PCDHGA5: variants seen among roughly 807,000 people sequenced by gnomAD.
PCDHGA5 encodes protocadherin gamma subfamily A, 5.
Under a neutral mutation model 56.7 loss-of-function variants are expected in PCDHGA5, and 36 were observed. That is an observed-to-expected ratio of 0.64 (90% confidence interval 0.49 to 0.84). The LOEUF is 0.84. Among genes scored for constraint, PCDHGA5 ranks in the 40% least tolerant of loss-of-function variants. PCDHGA5 has a pLI of 0.00. For missense variants in PCDHGA5, 1,305 were observed against 1,201.5 expected (o/e 1.09, Z -1.27); for synonymous variants, 563 against 520.2 (o/e 1.08, Z -1.12).
At chr5:141,388,133 G>T (rs2091251188) in intron 1 of PCDHGA5, 3 of 1,450,776 alleles carry the variant, frequency 2.1e-6, no homozygotes. Flanking sequence ...AGAGCGGGGA[G>T]TTGCTTGTGA....
intron 1 of PCDHGA5, chr5:141,371,141 C>A: frequency 2.2e-5 from 35 of 1,613,982 alleles, no homozygotes; most frequent in Non-Finnish European, 2.8e-5. Context: ...TGTACAGGGT[C>A]AATGTTGCAG....
At chr5:141,427,897 C>T (rs866283444) in intron 1 of PCDHGA5, 1 of 1,571,008 alleles carries the variant, frequency 6.4e-7, no homozygotes. Context: ...CAGGGCTCGC[C>T]CGCGCTCAGC....
At chr5:141,471,302 C>T (rs111827070) in intron 1 of PCDHGA5, 9,302 of 152,168 alleles carry the variant, frequency 0.061, 339 homozygotes, top group South Asian at 0.12. Flanking sequence ...CCACCCAACT[C>T]GGCCTCCCAA....
At chr5:141,425,392 A>G (rs2096872216) in intron 1 of PCDHGA5, among the ~76,000 whole-genome samples, 1 of 152,232 alleles carries the variant, frequency 6.6e-6, no homozygotes, top group African/African-American at 2.4e-5. Flanking sequence ...GGTAGTGATA[A>G]AGTTCTGTTA....
chr5:141,413,417 T>A (rs777399697), intron 1 of PCDHGA5: 1 of 1,614,086 alleles, frequency 6.2e-7, no homozygotes, highest in Non-Finnish European at 8.5e-7. Context: ...CTTTTCTCTC[T>A]GAACCCGCGC....
intron 1 of PCDHGA5, chr5:141,374,366 C>T: frequency 6.2e-7 from 1 of 1,614,052 alleles, no homozygotes; most frequent in Non-Finnish European, 8.5e-7. Flanking sequence ...CCGCGAGGAG[C>T]TCTGTGCTCA....
chr5:141,449,588 CAAA>C (rs768743917), intron 1 of PCDHGA5, among the ~76,000 whole-genome samples: 1 of 57,486 alleles, frequency 1.7e-5, no homozygotes, highest in Non-Finnish European at 3.7e-5. Context: ...GACTCTGTCT[CAAA>C]AAAAAAAAAA....
At chr5:141,371,576 C>T in intron 1 of PCDHGA5, 2 of 1,613,882 alleles carry the variant, frequency 1.2e-6, no homozygotes, top group Non-Finnish European at 1.7e-6. Flanking sequence ...CCTTTAAAAT[C>T]GTTCAAGATA....
At chr5:141,471,508 G>A (rs1262338812) in intron 1 of PCDHGA5, 3 of 152,216 alleles carry the variant, frequency 2.0e-5, no homozygotes, top group African/African-American at 7.2e-5. Context: ...AAGAGAGGGA[G>A]TAAAAATAAC....
chr5:141,366,487 G>C lies in PCDHGA5; in HGVS notation c.2157G>C (p.Trp719Cys), dbSNP rs962948172. 6.2e-7 allele frequency: 1 copy of C among 1,614,236 alleles called. No homozygotes were observed. Among genetic ancestry groups the C allele is most frequent in the East Asian group, 2.2e-5 (1 of 44,890 alleles). The change falls in exon 1 of 4, where the codon TGG becomes TGC. Residue 719 changes from tryptophan (W) to cysteine (C), a missense_variant. By Grantham distance (215) the Trp-to-Cys change is radical. Transcript: ENST00000518069. ...TGCTGGTGCTCAGACTGAGGCGCTG[G>C]CACAAGTCACGCCTGCTTCAGGCTG... ...IVLLVLRLRRWHKSRLLQAEG... is the reference protein window; with the variant it reads ...IVLLVLRLRRCHKSRLLQAEG...
At chr5:141,424,682 C>A (rs1421088073) in intron 1 of PCDHGA5, 1 of 152,062 alleles carries the variant, frequency 6.6e-6, no homozygotes, top group Non-Finnish European at 1.5e-5. Flanking sequence ...AGCTAGTATC[C>A]TTCTGGCTAT....
In PCDHGA5 at chr5:141,393,943, G is replaced by A. The variant is rs186465469; in HGVS notation, c.2421+27192G>A. Reference sequence around the variant, plus strand: ...TTGAGTGTGCATGACCAAGACTCTGGAAAGAATGGTCAAGTTGTCTGTTAC... The same window carrying A: ...TTGAGTGTGCATGACCAAGACTCTGAAAAGAATGGTCAAGTTGTCTGTTAC... On this transcript the variant is annotated intron_variant, in intron 1 of 3. Transcript: ENST00000518069. 1.6e-5 allele frequency: 26 copies of A among 1,613,936 alleles called. No homozygotes were observed. The East Asian group carries it at 3.1e-4, about 19-fold the overall frequency.
intron 1 of PCDHGA5, among the ~76,000 whole-genome samples, chr5:141,458,351 T>A (rs903399511): frequency 2.0e-5 from 3 of 152,010 alleles, no homozygotes; most frequent in African/African-American, 7.3e-5. Flanking sequence ...GAGAGTTTAA[T>A]AAGCAAGAAG....
At chr5:141,389,463 G>A (rs1201903320) in intron 1 of PCDHGA5, 7 of 1,613,192 alleles carry the variant, frequency 4.3e-6, no homozygotes, top group South Asian at 1.1e-5. Context: ...GCGCGCCTTC[G>A]AACTCACACT....
At position 141,389,253 on chromosome 5, in the gene PCDHGA5, G is replaced by T. The variant is rs998614321; in HGVS notation, c.2421+22502G>T. The stretch of plus-strand genomic sequence containing the variant: ...GGTTTTCTCACAGTCTTCCTATATA[G>T]TCCACGTGGCCGAGAACAACCCGCC... On this transcript the variant is annotated intron_variant, in intron 1 of 3. Transcript: ENST00000518069. 1.9e-6 allele frequency: 3 copies of T among 1,613,892 alleles called. No homozygotes were observed. The highest frequency in any genetic ancestry group is 2.5e-6 in the Non-Finnish European group (3 of 1,179,902).
intron 1 of PCDHGA5, chr5:141,407,908 G>C (rs1431775491): frequency 2.4e-6 from 1 of 420,166 alleles, no homozygotes; most frequent in Non-Finnish European, 4.2e-6. Flanking sequence ...ATGAAAAACC[G>C]GGCTGCTGTC....
rs200877911 is a variant in PCDHGA5 at position 141,477,977 on chromosome 5, A to G, written c.2422-16830A>G. ...ATCCCCTAACCAGAGCCTTTTTGCC[A>G]TAGGGCTGCACACTGGTCAAATCAG... On this transcript the variant is annotated intron_variant, in intron 1 of 3. Coordinates refer to ENST00000518069, the MANE Select transcript of PCDHGA5 (RefSeq NM_018918.3). The surrounding 1 kb of genome is among the most constrained non-coding windows in gnomAD (Gnocchi z 4.9). 5 of 1,614,092 alleles carry G rather than the reference A, an allele frequency of 3.1e-6. No individual in the cohort carries two copies. The East Asian group carries it at 6.7e-5, about 22-fold the overall frequency.
At chr5:141,410,675 T>A in intron 1 of PCDHGA5, 1 of 1,551,642 alleles carries the variant, frequency 6.4e-7, no homozygotes, top group Non-Finnish European at 8.6e-7. Context: ...GTTTCTCATA[T>A]TTTAGGCATA....
At chr5:141,388,800 G>T (rs1193679536) in intron 1 of PCDHGA5, 1 of 1,613,896 alleles carries the variant, frequency 6.2e-7, no homozygotes, top group Non-Finnish European at 8.5e-7. Context: ...AAATACATTA[G>T]ATTTTGAAGA....
Sources: allele counts gnomAD v4.1 joint callset (sites outside exome capture counted in the v4.1 genomes callset), GRCh38; gene constraint gnomAD v4.1.1; non-coding constraint Gnocchi (gnomAD v3.1); transcripts MANE v1.5; gene names NCBI Gene and HGNC (gene_info 2026-07-23, HGNC 2026-07-21).